The following MEIS1 variants were observed in gnomAD, a reference collection of about 807,000 sequenced individuals.
MEIS1 encodes the protein Meis homeobox 1, also known as homeobox protein Meis1.
Under a neutral mutation model 50.8 loss-of-function variants are expected in MEIS1, and 5 were observed. The observed-to-expected ratio is 0.10, with a 90% CI of 0.05 to 0.21. MEIS1 has a LOEUF of 0.21. Among genes scored for constraint, MEIS1 ranks in the 10% least tolerant of loss-of-function variants. The pLI is 1.00. For synonymous variants in MEIS1, 176 were observed against 179.3 expected (o/e 0.98, Z 0.15); for missense variants, 318 against 517.3 (o/e 0.61, Z 3.74).
In MEIS1 at chr2:66,572,399, T is replaced by C. The variant is rs1675504556; in HGVS notation, c.*1191T>C. 1 of 152,204 alleles carries C rather than the reference T, an allele frequency of 6.6e-6. No homozygotes were observed. Among genetic ancestry groups the C allele is most frequent in the African/African-American group, 2.4e-5 (1 of 41,462 alleles). The allele number at this position is 152,204 out of a possible 1,614,324, so 9.4% of individuals were successfully genotyped here. ...GTGTGTATTTTTTCATAGTCCCACC[T>C]TGGAGCATTTATGTAGACATTGTAA... On this transcript the variant is annotated 3_prime_UTR_variant, in exon 13 of 13. Coordinates refer to ENST00000272369, the MANE Select transcript of MEIS1 (RefSeq NM_002398.3).
chr2:66,543,448 G>A (rs1337927576), intron 8 of MEIS1, among the ~76,000 whole-genome samples: 1 of 152,144 alleles, frequency 6.6e-6, no homozygotes, highest in Admixed American at 6.6e-5. Context: ...CCCTTTCGCT[G>A]GGGTTCCACT....
intron 8 of MEIS1, among the ~76,000 whole-genome samples, chr2:66,526,823 C>T (rs55750643): frequency 0.022 from 3,412 of 152,250 alleles, 124 homozygotes; most frequent in African/African-American, 0.077. Context: ...GTACATTTGT[C>T]GGTATCAGAA....
At chr2:66,558,279 C>CAAAAAAAAAAA (rs59017279) in intron 9 of MEIS1, among the ~76,000 whole-genome samples, 20 of 57,098 alleles carry the variant, frequency 3.5e-4, no homozygotes, top group East Asian at 1.7e-3. Flanking sequence ...AACTCCATCT[C>CAAAAAAAAAAA]AAAAAAAAAA....
At chr2:66,501,227 A>C (rs1673546877) in intron 7 of MEIS1, among the ~76,000 whole-genome samples, 1 of 152,190 alleles carries the variant, frequency 6.6e-6, no homozygotes, top group African/African-American at 2.4e-5. Context: ...AAAGTTTATG[A>C]CTTTTGTACT....
In MEIS1 at chr2:66,435,721, C is replaced by A. The variant is rs1191265398; in HGVS notation, c.-136C>A. 7 of 750,300 alleles carry A rather than the reference C, an allele frequency of 9.3e-6. No individual in the cohort carries two copies. The highest frequency in any genetic ancestry group is 6.2e-5 in the African/African-American group (3 of 48,370). 46.5% of individuals were successfully genotyped at this position (750,300 alleles called of 1,614,324 possible). On this transcript the variant is annotated 5_prime_UTR_variant, in exon 1 of 13. Coordinates refer to ENST00000272369, the MANE Select transcript of MEIS1 (RefSeq NM_002398.3). ...GACCAGTAGCTCACGTTGCTGGAGA[C>A]GTTAAGGGATTTTTCGTCGTGCTTT...
chr2:66,436,888 T>C, intron 1 of MEIS1: 3 of 984,744 alleles, frequency 3.0e-6, no homozygotes, highest in South Asian at 4.7e-5. Flanking sequence ...TTTTTTTTTT[T>C]CTGGAAGAGG....
chr2:66,568,935 G>A, intron 11 of MEIS1, 115 bp from the exon 12 acceptor site: 1 of 1,127,626 alleles, frequency 8.9e-7, no homozygotes, highest in Admixed American at 1.7e-5. Flanking sequence ...ATGCACTGAA[G>A]ATCTCACTAT....
chr2:66,436,873 T>G (rs1671809426), intron 1 of MEIS1: 2 of 593,622 alleles, frequency 3.4e-6, no homozygotes, highest in Non-Finnish European at 3.7e-6. Context: ...ATGAAAGTAG[T>G]TTTTTTTTTT....
At chr2:66,567,374 G>T in intron 9 of MEIS1, 79 bp from the exon 10 acceptor site, 1 of 1,449,884 alleles carries the variant, frequency 6.9e-7, no homozygotes, top group Non-Finnish European at 9.5e-7. Flanking sequence ...TACTCCAACT[G>T]CGATTCATCT....
At chr2:66,535,705 G>C (rs1674501827) in intron 8 of MEIS1, among the ~76,000 whole-genome samples, 1 of 152,144 alleles carries the variant, frequency 6.6e-6, no homozygotes, top group South Asian at 2.1e-4. Flanking sequence ...AATGCTTTCG[G>C]GAGTTGGAAA....
chr2:66,522,473 A>G (rs978945391), intron 8 of MEIS1, among the ~76,000 whole-genome samples: 7 of 152,178 alleles, frequency 4.6e-5, no homozygotes, highest in Admixed American at 4.6e-4. Context: ...TGTTGCCAAC[A>G]ATGTATTTGA....
chr2:66,435,783 T>A lies in MEIS1; in HGVS notation c.-74T>A. On this transcript the variant is annotated 5_prime_UTR_variant, in exon 1 of 13. Coordinates refer to ENST00000272369, the MANE Select transcript of MEIS1 (RefSeq NM_002398.3). ...TTTTTTTTTTCCGGGGGAGTTTGAA[T>A]ATTTGTTTCTTTTCACACTGGCCTT... 1.8e-5 allele frequency: 17 copies of A among 950,388 alleles called. No individual in the cohort carries two copies. The highest frequency in any genetic ancestry group is 2.5e-5 in the Non-Finnish European group (16 of 647,072). The allele number at this position is 950,388 out of a possible 1,614,324, so 58.9% of individuals were successfully genotyped here. A position where few individuals can be genotyped will look rare whatever the true frequency, so the allele number is the denominator to read the frequency against.
At chr2:66,495,251 C>T (rs1673373624) in intron 7 of MEIS1, among the ~76,000 whole-genome samples, 1 of 152,034 alleles carries the variant, frequency 6.6e-6, no homozygotes, top group Non-Finnish European at 1.5e-5. Flanking sequence ...GATCATCTTC[C>T]TCACACTGTG....
At position 66,571,049 on chromosome 2, in the gene MEIS1, A is replaced by G; in HGVS notation, c.*38-197A>G. 1.2e-5 allele frequency: 7 copies of G among 580,884 alleles called. No homozygotes were observed. The South Asian group carries it at 1.8e-4, about 15-fold the overall frequency. 36.0% of individuals were successfully genotyped at this position (580,884 alleles called of 1,614,324 possible). A position where few individuals can be genotyped will look rare whatever the true frequency, so the allele number is the denominator to read the frequency against. ...TGATAACAGTGACAATGAAAGGAAA[A>G]TAGTGGCAAAATGTGAGTTTCCAGC... On this transcript the variant is annotated intron_variant, in intron 12 of 12. Coordinates refer to ENST00000272369, the MANE Select transcript of MEIS1 (RefSeq NM_002398.3).
intron 7 of MEIS1, among the ~76,000 whole-genome samples, chr2:66,499,368 T>G (rs1673490823): frequency 6.6e-6 from 1 of 151,700 alleles, no homozygotes; most frequent in Non-Finnish European, 1.5e-5. Context: ...TAGCATCTCT[T>G]TTTTTCCCCC....
chr2:66,527,895 G>A (rs948773508), intron 8 of MEIS1, among the ~76,000 whole-genome samples: 3 of 152,048 alleles, frequency 2.0e-5, no homozygotes, highest in Non-Finnish European at 4.4e-5. Flanking sequence ...TTCCAAGAAA[G>A]TCAAATGTTT....
At chr2:66,450,853 T>G (rs1672262393) in intron 6 of MEIS1, among the ~76,000 whole-genome samples, 1 of 152,184 alleles carries the variant, frequency 6.6e-6, no homozygotes, top group Admixed American at 6.5e-5. Context: ...ATCCATTAAC[T>G]TTAAATTTCT....
intron 7 of MEIS1, among the ~76,000 whole-genome samples, chr2:66,496,631 T>C (rs1272512377): frequency 1.3e-5 from 2 of 152,208 alleles, no homozygotes; most frequent in African/African-American, 4.8e-5. Flanking sequence ...TTTTGTCATT[T>C]CACTGGGGAC....
intron 7 of MEIS1, among the ~76,000 whole-genome samples, chr2:66,465,436 G>A (rs1479487097): frequency 6.6e-6 from 1 of 152,108 alleles, no homozygotes; most frequent in Non-Finnish European, 1.5e-5. Flanking sequence ...ATAAATCCAA[G>A]GGGCCTTTTT....
Sources: gnomAD v4.1 joint callset for allele counts (sites outside exome capture counted in the v4.1 genomes callset) on GRCh38, gnomAD v4.1.1 for gene constraint, MANE v1.5 for transcripts, NCBI Gene and HGNC (gene_info 2026-07-23, HGNC 2026-07-21) for gene names.